Variants in SPDYE5 observed in about 807,000 individuals in gnomAD.
SPDYE5 encodes the protein speedy protein E5.
In SPDYE5, 15 loss-of-function variants were observed where a neutral mutation model predicts 48.5. That is an observed-to-expected ratio of 0.31 (90% confidence interval 0.21 to 0.48). SPDYE5 has a LOEUF of 0.48. Among genes scored for constraint, SPDYE5 ranks in the 20% least tolerant of loss-of-function variants. The pLI is 0.99. For synonymous variants in SPDYE5, 116 were observed against 200.7 expected, an observed-to-expected ratio of 0.58 and a Z score of 3.57; for missense variants, 331 against 549.1, an observed-to-expected ratio of 0.60 and a Z score of 3.97.
Position 75,496,714 on chromosome 7 carries a change from C to G in SPDYE5, c.420C>G (p.Cys140Trp). 2 of 1,595,384 alleles carry G rather than the reference C, an allele frequency of 1.3e-6. No individual in the cohort carries two copies. The highest frequency in any genetic ancestry group is 1.7e-6 in the Non-Finnish European group (2 of 1,179,004). ...CCAGCCCCCCGCATAGGTCCTTTTG[C>G]TGGAAAAGGAAGATGGAGTGGTGGG... ...VDPSPPHRSF[C>W]WKRKMEWWDE... The change falls in exon 4 of 9, where the codon TGC (cysteine) becomes TGG (tryptophan). Residue 140 changes from cysteine to tryptophan, a missense_variant. Cys to Trp is a radical substitution (Grantham distance 215, BLOSUM62 -2). Around this residue, in one of 8 missense-constraint regions of SPDYE5, gnomAD observed 65 missense variants for 138.2 expected, o/e 0.47. Transcript: ENST00000625065.
intron 3 of SPDYE5, among the ~76,000 whole-genome samples, chr7:75,495,689 A>C (rs587763262): frequency 1.3e-5 from 2 of 152,300 alleles, no homozygotes; most frequent in South Asian, 4.1e-4. Context: ...GGCTGCAGTG[A>C]GCTATGACTG....
At chr7:75,495,424 A>C (rs1322111793) in intron 3 of SPDYE5, 50 bp downstream of exon 3, 1 of 1,590,502 alleles carries the variant, frequency 6.3e-7, no homozygotes, top group African/African-American at 1.3e-5. Context: ...TTCTAAAAAG[A>C]GGAAACTTCC....
At position 75,503,734 on chromosome 7, in the gene SPDYE5, T is replaced by C. The variant is rs1382441065; in HGVS notation, c.*947T>C. 1 of 149,572 alleles carries C rather than the reference T, an allele frequency of 6.7e-6. No individual in the cohort carries two copies. Among genetic ancestry groups the C allele is most frequent in the Non-Finnish European group, 1.5e-5 (1 of 67,430 alleles). 9.3% of individuals were successfully genotyped at this position (149,572 alleles called of 1,614,324 possible). A position where few individuals can be genotyped will look rare whatever the true frequency, so the allele number is the denominator to read the frequency against. ...TAATATATACTATCTATTTTATTGG[T>C]TTATTTTGAAAAACATGGGTATAGA... On this transcript the variant is annotated 3_prime_UTR_variant, in exon 9 of 9. Coordinates refer to ENST00000625065, the MANE Select transcript of SPDYE5 (RefSeq NM_001306141.4).
In SPDYE5 at chr7:75,503,118, C is replaced by G; in HGVS notation, c.*331C>G. 2 of 485,086 alleles carry G rather than the reference C, an allele frequency of 4.1e-6. No individual in the cohort carries two copies. The highest frequency in any genetic ancestry group is 4.7e-5 in the Admixed American group (2 of 42,602). The allele number at this position is 485,086 out of a possible 1,614,324, so 30.0% of individuals were successfully genotyped here. A position where few individuals can be genotyped will look rare whatever the true frequency, so the allele number is the denominator to read the frequency against. ...ACCACCCTTTCTATATTGCTGAATTCCAACCTCCCTGGGGCGGAACCTGGA... is the reference window on the plus strand; with the variant it reads ...ACCACCCTTTCTATATTGCTGAATTGCAACCTCCCTGGGGCGGAACCTGGA... On this transcript the variant is annotated 3_prime_UTR_variant, in exon 9 of 9. Coordinates refer to ENST00000625065, the MANE Select transcript of SPDYE5 (RefSeq NM_001306141.4).
Position 75,504,013 on chromosome 7 carries a change from T to G in SPDYE5, c.*1226T>G, listed in dbSNP as rs1793239110. On this transcript the variant is annotated 3_prime_UTR_variant, in exon 9 of 9. Transcript: ENST00000625065. ...TCTTTGTATCTATTATTACACGTGT[T>G]GCTGAAGGGAGCATGGTTTTTATCT... 1 of 152,046 alleles carries G rather than the reference T, an allele frequency of 6.6e-6. No homozygotes were observed. The highest frequency in any genetic ancestry group is 1.5e-5 in the Non-Finnish European group (1 of 68,006). The allele number at this position is 152,046 out of a possible 1,614,324, so 9.4% of individuals were successfully genotyped here.
rs1792770563 is a variant in SPDYE5 at position 75,492,459 on chromosome 7, A to G, written c.-422+18A>G. Reference sequence around the variant, plus strand: ...ACTCGCAGGTTCTTTATTTTTTTTGAGATGGAGTTTTGCTCGTTGCCCAGA... The same window carrying G: ...ACTCGCAGGTTCTTTATTTTTTTTGGGATGGAGTTTTGCTCGTTGCCCAGA... On this transcript the variant is annotated intron_variant, in intron 1 of 8. Transcript: ENST00000625065. Among the ~76,000 whole-genome samples the G allele has an allele frequency of 6.6e-6, 1 of 152,034 alleles. No individual in the cohort carries two copies. Among genetic ancestry groups the G allele is most frequent in the Non-Finnish European group, 1.5e-5 (1 of 68,004 alleles).
intron 8 of SPDYE5, among the ~76,000 whole-genome samples, chr7:75,502,314 T>C (rs1330137641): frequency 6.7e-6 from 1 of 150,000 alleles, no homozygotes; most frequent in Admixed American, 6.7e-5. Flanking sequence ...ATTGATGCAC[T>C]TGAGTTACCG....
Position 75,493,914 on chromosome 7 carries a change from A to T in SPDYE5, c.-134A>T. The T allele has an allele frequency of 1.3e-6, 2 of 1,481,730 alleles. No individual in the cohort carries two copies. The highest frequency in any genetic ancestry group is 1.8e-6 in the Non-Finnish European group (2 of 1,118,970). The allele number at this position is 1,481,730 out of a possible 1,614,324, so 91.8% of individuals were successfully genotyped here. ...GATTCCGACCATCCTGATTGGAGGG[A>T]CCGGACTCCGTGGTGCCTGGAGATC... On this transcript the variant is annotated 5_prime_UTR_variant, in exon 2 of 9. Transcript: ENST00000625065.
intron 3 of SPDYE5, among the ~76,000 whole-genome samples, chr7:75,495,904 C>A (rs1208640958): frequency 6.6e-6 from 1 of 151,826 alleles, no homozygotes; most frequent in Admixed American, 6.6e-5. Flanking sequence ...GCCAGGCATG[C>A]CTGTTATCCC....
In SPDYE5 at chr7:75,493,868, G is replaced by A. The variant is rs1554482072; in HGVS notation, c.-180G>A. On this transcript the variant is annotated 5_prime_UTR_variant, in exon 2 of 9. An upstream open reading frame in the 5' UTR gains an earlier in-frame stop. Coordinates refer to ENST00000625065, the MANE Select transcript of SPDYE5 (RefSeq NM_001306141.4). ...TTTTTTTCAAACTGGTTGCCAGGTT[G>A]GCATGAGCGATGACATCAGAGATTC... 3 of 1,443,264 alleles carry A rather than the reference G, an allele frequency of 2.1e-6. No homozygotes were observed. The highest frequency in any genetic ancestry group is 1.4e-5 in the African/African-American group (1 of 69,844). 89.4% of individuals were successfully genotyped at this position (1,443,264 alleles called of 1,614,324 possible). A position where few individuals can be genotyped will look rare whatever the true frequency, so the allele number is the denominator to read the frequency against.
At position 75,496,701 on chromosome 7, in the gene SPDYE5, A is replaced by G. The variant is rs782168212; in HGVS notation, c.407A>G (p.His136Arg). 4.4e-6 allele frequency: 7 copies of G among 1,596,936 alleles called. No homozygotes were observed. The South Asian group carries it at 5.5e-5, about 13-fold the overall frequency. Residue 136 changes from histidine (H) to arginine (R), a missense_variant, in exon 4 of 9, where the codon CAT (histidine) becomes CGT (arginine). By Grantham distance (29) the His-to-Arg change is conservative. This residue lies in a region of SPDYE5 where 65 missense variants were observed against 138.2 expected (regional missense o/e 0.47). Transcript: ENST00000625065. ...CCTGGGGTAGATCCCAGCCCCCCGC[A>G]TAGGTCCTTTTGCTGGAAAAGGAAG... Reference protein sequence around the residue: ...LAPGVDPSPPHRSFCWKRKME... With the variant: ...LAPGVDPSPPRRSFCWKRKME...
chr7:75,496,404 CAAAA>C (rs1175143877), intron 3 of SPDYE5, among the ~76,000 whole-genome samples: 4 of 27,444 alleles, frequency 1.5e-4, no homozygotes, highest in Non-Finnish European at 2.6e-4. Flanking sequence ...ACAACAACAA[CAAAA>C]AAAAAAAAAA....
At chr7:75,496,625 T>C in intron 3 of SPDYE5, 49 bp from the exon 4 acceptor site, 1 of 1,597,232 alleles carries the variant, frequency 6.3e-7, no homozygotes, top group South Asian at 1.1e-5. Flanking sequence ...TGGGCTCTAG[T>C]GTGATCAACT....
chr7:75,495,401 C>T (rs1554482395), intron 3 of SPDYE5, 27 bp downstream of exon 3: 1 of 1,597,114 alleles, frequency 6.3e-7, no homozygotes, highest in Non-Finnish European at 8.5e-7. Flanking sequence ...GAGAGCACCT[C>T]CAATCCTGTT....
At chr7:75,502,047 C>G (rs1554483681) in intron 8 of SPDYE5, 65 bp downstream of exon 8, 1 of 1,513,950 alleles carries the variant, frequency 6.6e-7, no homozygotes, top group African/African-American at 1.4e-5. Flanking sequence ...CCGAAGAACC[C>G]AATTGCTTGA....
intron 3 of SPDYE5, 74 bp downstream of exon 3, chr7:75,495,448 T>G (rs1792889882): frequency 6.3e-7 from 1 of 1,576,070 alleles, no homozygotes; most frequent in Non-Finnish European, 8.6e-7. Context: ...AACCACACTT[T>G]TCCAATGGGA....
intron 3 of SPDYE5, among the ~76,000 whole-genome samples, chr7:75,496,014 TCAA>T (rs1792912846): frequency 9.5e-6 from 1 of 105,378 alleles, no homozygotes. Flanking sequence ...AGACGCTGTG[TCAA>T]AAAAAAAAAA....
In SPDYE5 at chr7:75,503,128, T is replaced by A. The variant is rs1394553828; in HGVS notation, c.*341T>A. ...CTATATTGCTGAATTCCAACCTCCC[T>A]GGGGCGGAACCTGGAGGTCCTGTTT... On this transcript the variant is annotated 3_prime_UTR_variant, in exon 9 of 9. Transcript: ENST00000625065. The A allele has an allele frequency of 6.4e-6, 3 of 467,542 alleles. No individual in the cohort carries two copies. Among genetic ancestry groups the A allele is most frequent in the Non-Finnish European group, 1.3e-5 (3 of 239,830 alleles). 29.0% of individuals were successfully genotyped at this position (467,542 alleles called of 1,614,324 possible).
In SPDYE5 at chr7:75,501,552, T is replaced by C. The variant is rs1182269413; in HGVS notation, c.946T>C (p.Leu316=). 6.2e-7 allele frequency: 1 copy of C among 1,603,676 alleles called. No homozygotes were observed. Among genetic ancestry groups the C allele is most frequent in the Non-Finnish European group, 8.5e-7 (1 of 1,175,132 alleles). Residue 316 remains leucine, a synonymous_variant, in exon 7 of 9, where the codon TTA becomes CTA. Transcript: ENST00000625065. The stretch of plus-strand genomic sequence containing the variant: ...CTTGCTCCGTAAGCGTCGGTTCCAG[T>C]TAGGCCGTTCCATGAACCCGAGGGC... ...IPLLRKRRFQ[L]GRSMNPRARK... is the part of the protein sequence containing the mutation.
Sources: allele counts gnomAD v4.1 joint callset (sites outside exome capture counted in the v4.1 genomes callset), GRCh38; gene constraint gnomAD v4.1.1; regional missense constraint gnomAD v4.1.1; transcripts MANE v1.5; gene names NCBI Gene and HGNC (gene_info 2026-07-23, HGNC 2026-07-21).